TLN2: variants seen among roughly 807,000 people sequenced by gnomAD.
TLN2 encodes the protein talin-2.
Under a neutral mutation model 294.7 loss-of-function variants are expected in TLN2, and 118 were observed. The ratio of observed to expected loss-of-function variants is 0.40; its 90% CI spans 0.34 to 0.47. The LOEUF (loss-of-function observed/expected upper bound fraction) is 0.47. Among genes scored for constraint, TLN2 ranks in the 20% least tolerant of loss-of-function variants. The probability of loss-of-function intolerance (pLI) is 0.84; values close to 1 mark genes in which losing one functional copy is unlikely to be tolerated. For synonymous variants in TLN2, 1,431 were observed against 1,304.5 expected (o/e 1.10, Z -2.09); for missense variants, 3,083 against 3,282.2 (o/e 0.94, Z 1.48).
At chr15:62,753,450 G>A (rs1595883737) in intron 35 of TLN2, among the ~76,000 whole-genome samples, 2 of 152,148 alleles carry the variant, frequency 1.3e-5, no homozygotes, top group Non-Finnish European at 2.9e-5. Flanking sequence ...GGGCAGCCTC[G>A]TGATCACAAG....
chr15:62,641,441 A>C (rs1596458673), intron 3 of TLN2, among the ~76,000 whole-genome samples: 1 of 151,762 alleles, frequency 6.6e-6, no homozygotes, highest in African/African-American at 2.4e-5. Flanking sequence ...ACATGGAGAA[A>C]CCCCATCTCT....
intron 1 of TLN2, among the ~76,000 whole-genome samples, chr15:62,533,943 C>T (rs1272961568): frequency 6.6e-6 from 1 of 152,112 alleles, no homozygotes; most frequent in Non-Finnish European, 1.5e-5. Context: ...CAGATGGTTG[C>T]CCATTGTCTT....
intron 6 of TLN2, among the ~76,000 whole-genome samples, chr15:62,652,544 C>T (rs1308520156): frequency 6.6e-6 from 1 of 152,172 alleles, no homozygotes; most frequent in African/African-American, 2.4e-5. Flanking sequence ...ACAAGTCTGC[C>T]TCCTTTCTAA....
At chr15:62,720,676 TG>T in intron 25 of TLN2, among the ~76,000 whole-genome samples, 1 of 152,210 alleles carries the variant, frequency 6.6e-6, no homozygotes, top group East Asian at 1.9e-4. Context: ...TGTGTGTGTG[TG>T]TGTGTATTCT....
intron 39 of TLN2, 57 bp downstream of exon 39, chr15:62,762,510 G>A (rs2062737542): frequency 4.4e-6 from 7 of 1,578,938 alleles, no homozygotes; most frequent in Admixed American, 3.4e-5. Context: ...GAAGGAGGAG[G>A]ATAAGCCCAC....
At chr15:62,679,578 CAGAA>C (rs1490553322) in intron 11 of TLN2, among the ~76,000 whole-genome samples, 2 of 152,176 alleles carry the variant, frequency 1.3e-5, no homozygotes, top group Non-Finnish European at 2.9e-5. Flanking sequence ...TCTATAGAGA[CAGAA>C]AGAAGGTTAG....
intron 14 of TLN2, among the ~76,000 whole-genome samples, chr15:62,696,445 G>A (rs904163031): frequency 2.0e-5 from 3 of 152,202 alleles, no homozygotes; most frequent in African/African-American, 7.2e-5. Context: ...TGTGGCTCAC[G>A]CCTGTATTCC....
At chr15:62,434,543 A>G (rs1605269) in intron 1 of TLN2, among the ~76,000 whole-genome samples, 137,033 of 152,198 alleles carry the variant, frequency 0.9, 63,148 homozygotes, top group East Asian at 1. Context: ...GTCCTAAAAC[A>G]GTTAAGTCAG....
intron 1 of TLN2, among the ~76,000 whole-genome samples, chr15:62,577,692 T>C (rs1555434211): frequency 3.9e-5 from 6 of 152,130 alleles, no homozygotes; most frequent in Non-Finnish European, 8.8e-5. Flanking sequence ...ATTTAACTTA[T>C]AAAAATTTTT....
intron 41 of TLN2, among the ~76,000 whole-genome samples, chr15:62,768,901 A>G (rs1230286631): frequency 6.6e-6 from 1 of 152,210 alleles, no homozygotes; most frequent in Admixed American, 6.5e-5. Flanking sequence ...GCTATTATTA[A>G]TCCCCATTTT....
intron 2 of TLN2, among the ~76,000 whole-genome samples, chr15:62,590,545 A>G (rs1490582744): frequency 6.6e-6 from 1 of 151,774 alleles, no homozygotes; most frequent in Non-Finnish European, 1.5e-5. Flanking sequence ...TATGTACCAC[A>G]TTTTCTTTAT....
intron 2 of TLN2, among the ~76,000 whole-genome samples, chr15:62,616,021 T>G (rs1272757434): frequency 1.3e-5 from 2 of 152,242 alleles, no homozygotes; most frequent in Non-Finnish European, 2.9e-5. Context: ...TCTAACAGTT[T>G]TGTATCATGA....
chr15:62,736,909 G>A lies in TLN2; in HGVS notation c.3390G>A (p.Leu1130=). The change falls in exon 29 of 59, where the codon CTG becomes CTA. Residue 1130 remains leucine, a synonymous_variant. Transcript: ENST00000636159. ...GVAARETAQA[L]KTLAQAARGV... is the part of the protein sequence containing the mutation. The stretch of plus-strand genomic sequence containing the variant: ...CTGCTAGAGAGACGGCCCAAGCTCT[G>A]AAAACACTGGCCCAGGCCGCCCGTG... The A allele has an allele frequency of 6.2e-7, 1 of 1,614,182 alleles. No individual in the cohort carries two copies. Among genetic ancestry groups the A allele is most frequent in the East Asian group, 2.2e-5 (1 of 44,880 alleles).
At chr15:62,658,676 A>G (rs752744566) in intron 9 of TLN2, among the ~76,000 whole-genome samples, 7 of 152,120 alleles carry the variant, frequency 4.6e-5, no homozygotes, top group African/African-American at 9.7e-5. Context: ...AATGAGTCAT[A>G]CTGCCGGGTG....
At chr15:62,457,661 C>T (rs970542285) in intron 1 of TLN2, among the ~76,000 whole-genome samples, 3 of 152,114 alleles carry the variant, frequency 2.0e-5, no homozygotes, top group Non-Finnish European at 4.4e-5. Flanking sequence ...GGGTTTTCCA[C>T]ATGTCTAGAT....
At chr15:62,809,354 A>G (rs2066516600) in intron 51 of TLN2, among the ~76,000 whole-genome samples, 1 of 152,166 alleles carries the variant, frequency 6.6e-6, no homozygotes, top group African/African-American at 2.4e-5. Context: ...ACTTTTGTAT[A>G]ATATGAGATG....
intron 2 of TLN2, among the ~76,000 whole-genome samples, chr15:62,590,323 C>T (rs910059583): frequency 2.0e-5 from 3 of 152,094 alleles, no homozygotes; most frequent in Non-Finnish European, 2.9e-5. Flanking sequence ...CTCCATGCCC[C>T]AGTAGGCCCC....
intron 39 of TLN2, chr15:62,763,347 T>C (rs1477443502): frequency 1.2e-5 from 6 of 483,904 alleles, no homozygotes; most frequent in African/African-American, 1.2e-4. Flanking sequence ...CCATATTCTT[T>C]CCACCAGAAA....
At chr15:62,456,639 A>G (rs1461190295) in intron 1 of TLN2, among the ~76,000 whole-genome samples, 2 of 152,214 alleles carry the variant, frequency 1.3e-5, no homozygotes, top group Non-Finnish European at 2.9e-5. Context: ...TGTAGGAGAC[A>G]CAGAGCTGAG....
Sources: gnomAD v4.1 joint callset for allele counts (sites outside exome capture counted in the v4.1 genomes callset) on GRCh38, gnomAD v4.1.1 for gene constraint, MANE v1.5 for transcripts, NCBI Gene and HGNC (gene_info 2026-07-23, HGNC 2026-07-21) for gene names.